ACOXL: variants seen among roughly 807,000 people sequenced by gnomAD.
The protein encoded by ACOXL is acyl-coenzyme A oxidase-like protein.
A neutral mutation model predicts 71.9 loss-of-function variants in ACOXL; 70 were observed. The ratio of observed to expected loss-of-function variants is 0.97; its 90% CI spans 0.80 to 1.19. The LOEUF (loss-of-function observed/expected upper bound fraction) is 1.19, where lower values mean the gene tolerates loss of function less well. Ranked by LOEUF, ACOXL falls within the 50% of genes most tolerant of loss-of-function variation. The probability of loss-of-function intolerance (pLI) is 0.00; values close to 1 mark genes in which losing one functional copy is unlikely to be tolerated. For synonymous variants in ACOXL, 253 were observed against 281.6 expected (o/e 0.90, Z 1.02); for missense variants, 703 against 736.3 (o/e 0.95, Z 0.52).
intron 10 of ACOXL, 58 bp downstream of exon 10, chr2:110,841,463 G>T (rs942209706): frequency 7.0e-7 from 1 of 1,437,182 alleles, no homozygotes; most frequent in Non-Finnish European, 9.6e-7. Context: ...TATAGCTCTT[G>T]GTTTGCTTAT....
In ACOXL at chr2:110,801,727, G is replaced by C; in HGVS notation, c.620+3G>C. Reference sequence around the variant, plus strand: ...CCCAGGGAGAACCTGCTGGATAAGTGAGTAGTTTCTCCTTAACTCAGGTCA... The same window carrying C: ...CCCAGGGAGAACCTGCTGGATAAGTCAGTAGTTTCTCCTTAACTCAGGTCA... On this transcript the variant is annotated splice_donor_region_variant and intron_variant, in intron 8 of 17. Coordinates refer to ENST00000439055, the MANE Select transcript of ACOXL (RefSeq NM_001142807.4). The C allele has an allele frequency of 6.2e-7, 1 of 1,613,454 alleles. No individual in the cohort carries two copies. Among genetic ancestry groups the C allele is most frequent in the Non-Finnish European group, 8.5e-7 (1 of 1,179,378 alleles).
intron 16 of ACOXL, among the ~76,000 whole-genome samples, chr2:111,074,172 T>G (rs1204235440): frequency 6.6e-6 from 1 of 151,970 alleles, no homozygotes; most frequent in Non-Finnish European, 1.5e-5. Context: ...GTTGTTTTTT[T>G]TTTTTTCTAT....
chr2:110,846,636 T>TACAC (rs1452445738), intron 10 of ACOXL, among the ~76,000 whole-genome samples: 1 of 44,836 alleles, frequency 2.2e-5, no homozygotes, highest in African/African-American at 7.2e-5. Flanking sequence ...CAAGTATGCA[T>TACAC]ACACGCACAC....
At chr2:111,059,619 AG>A (rs1280269746) in intron 16 of ACOXL, among the ~76,000 whole-genome samples, 1 of 152,192 alleles carries the variant, frequency 6.6e-6, no homozygotes, top group African/African-American at 2.4e-5. Context: ...AGATTCTGAA[AG>A]GTAAGAACTA....
At chr2:110,806,186 G>A (rs546389465) in intron 9 of ACOXL, among the ~76,000 whole-genome samples, 6 of 152,188 alleles carry the variant, frequency 3.9e-5, no homozygotes, top group Non-Finnish European at 8.8e-5. Context: ...TACTTGCTTC[G>A]GGGTCGGCCA....
chr2:110,958,789 C>T (rs909768843), intron 12 of ACOXL, among the ~76,000 whole-genome samples: 7 of 152,330 alleles, frequency 4.6e-5, no homozygotes, highest in African/African-American at 1.7e-4. Context: ...CCCTGGGCAT[C>T]CTGGGACACC....
chr2:110,750,722 G>A (rs967031723), intron 1 of ACOXL, among the ~76,000 whole-genome samples: 3 of 150,742 alleles, frequency 2.0e-5, no homozygotes, highest in Non-Finnish European at 4.4e-5. Flanking sequence ...TTTGAGACAG[G>A]ATCTTGCTCT....
At chr2:111,070,335 TGAGCTC>T (rs1449089556) in intron 16 of ACOXL, among the ~76,000 whole-genome samples, 5 of 152,140 alleles carry the variant, frequency 3.3e-5, no homozygotes, top group Admixed American at 3.3e-4. Context: ...CAAAAAAGAA[TGAGCTC>T]GTGTCTTTTA....
chr2:110,930,703 G>A (rs964180279), intron 11 of ACOXL, among the ~76,000 whole-genome samples: 2 of 152,108 alleles, frequency 1.3e-5, no homozygotes, highest in Admixed American at 6.5e-5. Context: ...GAATCATGGG[G>A]GCAGTTTCCG....
At chr2:110,794,025 G>A (rs867570947) in intron 4 of ACOXL, 51 bp from the exon 5 acceptor site, 1 of 1,577,290 alleles carries the variant, frequency 6.3e-7, no homozygotes, top group Non-Finnish European at 8.7e-7. Context: ...GTCTGCATTT[G>A]GAGCAACTGC....
At chr2:110,757,150 G>A (rs1679810765) in intron 1 of ACOXL, among the ~76,000 whole-genome samples, 1 of 152,146 alleles carries the variant, frequency 6.6e-6, no homozygotes, top group African/African-American at 2.4e-5. Flanking sequence ...AACATGTGCT[G>A]TTTTGGTTTT....
At chr2:110,867,930 T>G (rs995997609) in intron 10 of ACOXL, among the ~76,000 whole-genome samples, 3 of 151,622 alleles carry the variant, frequency 2.0e-5, no homozygotes, top group African/African-American at 7.3e-5. Context: ...GCTCAGCTAA[T>G]TTTTGTATTT....
intron 11 of ACOXL, among the ~76,000 whole-genome samples, chr2:110,927,747 C>G (rs542832464): frequency 3.9e-5 from 6 of 152,230 alleles, no homozygotes; most frequent in Admixed American, 2.6e-4. Flanking sequence ...GCGTCTGGCT[C>G]TCTGCACAGA....
chr2:111,082,299 A>T (rs894212431), intron 16 of ACOXL, among the ~76,000 whole-genome samples: 1 of 152,076 alleles, frequency 6.6e-6, no homozygotes, highest in African/African-American at 2.4e-5. Context: ...CCCAGAATCT[A>T]CAAAGAACTT....
At chr2:110,809,435 A>C (rs80017449) in intron 9 of ACOXL, among the ~76,000 whole-genome samples, 4 of 152,160 alleles carry the variant, frequency 2.6e-5, no homozygotes, top group African/African-American at 9.7e-5. Flanking sequence ...GCGGCAGACA[A>C]CTCAGCCAGT....
At chr2:111,062,169 C>T (rs950257917) in intron 16 of ACOXL, among the ~76,000 whole-genome samples, 7 of 151,540 alleles carry the variant, frequency 4.6e-5, no homozygotes, top group Non-Finnish European at 8.8e-5. Flanking sequence ...ATAGCAAGAG[C>T]GGCTATATTA....
chr2:111,109,774 G>A (rs1175851494), intron 17 of ACOXL, among the ~76,000 whole-genome samples: 1 of 141,054 alleles, frequency 7.1e-6, no homozygotes, highest in African/African-American at 2.7e-5. Context: ...TGCCTCCCAG[G>A]TTCAAGCAAT....
chr2:111,091,126 A>C (rs1407204008), intron 16 of ACOXL, among the ~76,000 whole-genome samples: 1 of 151,902 alleles, frequency 6.6e-6, no homozygotes, highest in Non-Finnish European at 1.5e-5. Flanking sequence ...CTCCTCTTAA[A>C]ATGTCCCTGT....
chr2:111,112,573 C>T (rs777692325), intron 17 of ACOXL, among the ~76,000 whole-genome samples: 36 of 152,154 alleles, frequency 2.4e-4, no homozygotes, highest in Non-Finnish European at 4.6e-4. Flanking sequence ...GATAAGTGAG[C>T]GAGGAGGAGA....
Sources: gnomAD v4.1 joint callset for allele counts (sites outside exome capture counted in the v4.1 genomes callset) on GRCh38, gnomAD v4.1.1 for gene constraint, MANE v1.5 for transcripts, NCBI Gene and HGNC (gene_info 2026-07-23, HGNC 2026-07-21) for gene names.